EPB41: variants seen among roughly 807,000 people sequenced by gnomAD.
The protein encoded by EPB41 is erythrocyte membrane protein band 4.1.
A neutral mutation model predicts 108.0 loss-of-function variants in EPB41; 65 were observed. The ratio of observed to expected loss-of-function variants is 0.60; its 90% confidence interval spans 0.49 to 0.74. The LOEUF (loss-of-function observed/expected upper bound fraction) is 0.74. Ranked by LOEUF, EPB41 falls within the 30% of genes least tolerant of loss-of-function variation. The probability of loss-of-function intolerance (pLI) is 0.00; values close to 1 mark genes in which losing one functional copy is unlikely to be tolerated. For synonymous variants in EPB41, 336 were observed against 358.9 expected (o/e 0.94, Z 0.72); for missense variants, 875 against 1,037.0 (o/e 0.84, Z 2.15).
chr1:28,991,866 A>G (rs2096028895), intron 2 of EPB41, among the ~76,000 whole-genome samples: 1 of 152,216 alleles, frequency 6.6e-6, no homozygotes, highest in African/African-American at 2.4e-5. Flanking sequence ...AAGTGGGGAT[A>G]TAATAATACT....
chr1:29,055,035 C>T (rs1645136684), intron 12 of EPB41, among the ~76,000 whole-genome samples: 1 of 152,160 alleles, frequency 6.6e-6, no homozygotes. Flanking sequence ...AAGACTCCGT[C>T]TCAAAAAATA....
chr1:28,915,155 T>G (rs991971409), intron 1 of EPB41, among the ~76,000 whole-genome samples: 1 of 152,150 alleles, frequency 6.6e-6, no homozygotes, highest in Non-Finnish European at 1.5e-5. Context: ...AGGTGTTGCG[T>G]GCAGCCGCGG....
chr1:28,967,187 T>G lies in EPB41; in HGVS notation c.-7-20244T>G, dbSNP rs531779035. Among the ~76,000 whole-genome samples the G allele has an allele frequency of 2.0e-5, 3 of 151,830 alleles. No individual in the cohort carries two copies. The South Asian group carries it at 6.3e-4, about 32-fold the overall frequency. On this transcript the variant is annotated intron_variant, in intron 1 of 20. Transcript: ENST00000343067. The stretch of plus-strand genomic sequence containing the variant: ...GTGCCCGCCACCACACCCGGCTAAG[T>G]TTTTGTATTTTTAGTAGAGACGGGG...
intron 1 of EPB41, among the ~76,000 whole-genome samples, chr1:28,970,239 A>G (rs1203880951): frequency 1.3e-5 from 2 of 152,206 alleles, no homozygotes; most frequent in Non-Finnish European, 2.9e-5. Context: ...GTATCTGCTA[A>G]AACAATCCAT....
At chr1:29,077,953 G>A (rs1654779297) in intron 16 of EPB41, among the ~76,000 whole-genome samples, 1 of 152,174 alleles carries the variant, frequency 6.6e-6, no homozygotes, top group Admixed American at 6.5e-5. Flanking sequence ...GTGGCTGGGT[G>A]CAGTGGTTCA....
intron 7 of EPB41, among the ~76,000 whole-genome samples, chr1:29,019,393 A>G (rs2096615194): frequency 1.3e-5 from 2 of 152,210 alleles, no homozygotes. Context: ...ACTGAATACA[A>G]TGTCACAATG....
chr1:29,068,299 C>T (rs1235069287), intron 16 of EPB41, among the ~76,000 whole-genome samples: 1 of 152,158 alleles, frequency 6.6e-6, no homozygotes, highest in African/African-American at 2.4e-5. Context: ...AAAAGATACT[C>T]GACTACTTTG....
At position 29,035,970 on chromosome 1, in the gene EPB41, G is replaced by A. The variant is rs371633180; in HGVS notation, c.1463+47G>A. 104 of 1,439,562 alleles carry A rather than the reference G, an allele frequency of 7.2e-5. 1 individual carries two copies. The highest frequency in any genetic ancestry group is 6.3e-4 in the South Asian group (55 of 86,646). 89.2% of individuals were successfully genotyped at this position (1,439,562 alleles called of 1,614,324 possible). A position where few individuals can be genotyped will look rare whatever the true frequency, so the allele number is the denominator to read the frequency against. ...TTTTCAAGGATAAATTATTTATAAC[G>A]TTTCTATTTTAAGCCTGCTATTAAA... On this transcript the variant is annotated intron_variant, in intron 10 of 20. Transcript: ENST00000343067.
At chr1:29,000,021 C>A (rs2096264987) in intron 4 of EPB41, among the ~76,000 whole-genome samples, 1 of 152,138 alleles carries the variant, frequency 6.6e-6, no homozygotes, top group Non-Finnish European at 1.5e-5. Context: ...AACTCCTGGG[C>A]TCAAGCAATC....
intron 1 of EPB41, among the ~76,000 whole-genome samples, chr1:28,968,969 A>AC (rs1243487289): frequency 9.4e-4 from 107 of 114,340 alleles, no homozygotes; most frequent in African/African-American, 2.0e-3. Flanking sequence ...TGCCTCCAAA[A>AC]CCCCCCACCC....
chr1:28,955,148 G>A (rs546809959), intron 1 of EPB41, among the ~76,000 whole-genome samples: 22 of 152,220 alleles, frequency 1.4e-4, no homozygotes, highest in East Asian at 3.9e-4. Flanking sequence ...TGTTACTAGC[G>A]TTACCACTTG....
At chr1:28,999,359 G>T (rs1007106798) in intron 4 of EPB41, among the ~76,000 whole-genome samples, 10 of 151,910 alleles carry the variant, frequency 6.6e-5, no homozygotes, top group African/African-American at 2.4e-4. Flanking sequence ...AACAGAGTGA[G>T]ACTCCATCTC....
At chr1:28,893,995 G>A (rs893024637) in intron 1 of EPB41, among the ~76,000 whole-genome samples, 11 of 152,150 alleles carry the variant, frequency 7.2e-5, no homozygotes, top group African/African-American at 2.7e-4. Context: ...CCATAAGCAG[G>A]GCCTACCAAT....
chr1:28,906,744 G>T (rs965244535), intron 1 of EPB41, among the ~76,000 whole-genome samples: 1 of 151,952 alleles, frequency 6.6e-6, no homozygotes, highest in Non-Finnish European at 1.5e-5. Context: ...TTTAAGCTGC[G>T]ATGTTAGGCA....
intron 1 of EPB41, among the ~76,000 whole-genome samples, chr1:28,938,150 T>A (rs1344374008): frequency 6.6e-6 from 1 of 152,206 alleles, no homozygotes; most frequent in Non-Finnish European, 1.5e-5. Flanking sequence ...CTAACTGTGG[T>A]CTTATTTTTC....
At chr1:28,986,602 A>G (rs984838000) in intron 1 of EPB41, among the ~76,000 whole-genome samples, 4 of 152,214 alleles carry the variant, frequency 2.6e-5, no homozygotes, top group Non-Finnish European at 5.9e-5. Flanking sequence ...AATCATGTTT[A>G]TCAGGAGAAA....
intron 1 of EPB41, chr1:28,891,085 C>A: frequency 1.5e-6 from 1 of 683,750 alleles, no homozygotes. Context: ...CCCAGAGGGG[C>A]AGCCCCACGC....
intron 1 of EPB41, among the ~76,000 whole-genome samples, chr1:28,953,410 G>A (rs1395541997): frequency 6.6e-6 from 1 of 152,136 alleles, no homozygotes; most frequent in Non-Finnish European, 1.5e-5. Flanking sequence ...AAGGGTTGCA[G>A]TTAATCAGCT....
At chr1:29,064,960 A>T in intron 15 of EPB41, 22 bp from the exon 16 acceptor site, 1 of 1,613,528 alleles carries the variant, frequency 6.2e-7, no homozygotes, top group Non-Finnish European at 8.5e-7. Flanking sequence ...ATTGTTTTGC[A>T]TCTTTGTCCT....
Sources: gnomAD v4.1 joint callset for allele counts (sites outside exome capture counted in the v4.1 genomes callset) on GRCh38, gnomAD v4.1.1 for gene constraint, MANE v1.5 for transcripts, NCBI Gene and HGNC (gene_info 2026-07-23, HGNC 2026-07-21) for gene names.